The following PLSCR1 variants were observed in gnomAD, a reference collection of about 807,000 sequenced individuals.
PLSCR1 encodes phospholipid scramblase 1, also known as PL scramblase 1.
Under a neutral mutation model 37.8 loss-of-function variants are expected in PLSCR1, and 17 were observed. The ratio of observed to expected loss-of-function variants is 0.45; its 90% CI spans 0.31 to 0.68. The LOEUF (loss-of-function observed/expected upper bound fraction) is 0.68. Among genes scored for constraint, PLSCR1 ranks in the 30% least tolerant of loss-of-function variants. The probability of loss-of-function intolerance (pLI) is 0.06; values close to 1 mark genes in which losing one functional copy is unlikely to be tolerated. For missense variants in PLSCR1, 347 were observed against 380.9 expected, an observed-to-expected ratio of 0.91 and a Z score of 0.74; for synonymous variants, 116 against 125.9, an observed-to-expected ratio of 0.92 and a Z score of 0.53.
At chr3:146,543,280 T>A (rs1293452786) in intron 1 of PLSCR1, among the ~76,000 whole-genome samples, 1 of 152,216 alleles carries the variant, frequency 6.6e-6, no homozygotes, top group South Asian at 2.1e-4. Flanking sequence ...TACTCTAAGC[T>A]CCTTTACAGA....
At chr3:146,537,049 A>G (rs9289721) in intron 1 of PLSCR1, among the ~76,000 whole-genome samples, 24,393 of 152,062 alleles carry the variant, frequency 0.16, 2,042 homozygotes, top group Non-Finnish European at 0.18. Context: ...TTATCTTGGG[A>G]AATGTAGGTC....
chr3:146,527,517 G>A (rs972722634), intron 4 of PLSCR1, among the ~76,000 whole-genome samples: 1 of 152,110 alleles, frequency 6.6e-6, no homozygotes, highest in Non-Finnish European at 1.5e-5. Flanking sequence ...TTCTAGAATA[G>A]GCTGAAGAAA....
At position 146,533,471 on chromosome 3, in the gene PLSCR1, T is replaced by C; in HGVS notation, c.93A>G (p.Gln31=). The C allele has an allele frequency of 6.3e-7, 1 of 1,578,034 alleles. No individual in the cohort carries two copies. Among genetic ancestry groups the C allele is most frequent in the Non-Finnish European group, 8.7e-7 (1 of 1,151,916 alleles). Residue 31 remains glutamine (Q), a splice_region_variant and synonymous_variant, in exon 3 of 9, where the codon CAA becomes CAG. Coordinates refer to ENST00000342435, the MANE Select transcript of PLSCR1 (RefSeq NM_021105.3). ...YPPQYPPTAF[Q]GPPGYSGYPG... ...TTCTTCTTTCAGCAACTGCTTTACC[T>C]TGGAATGCTGTCGGTGGATACTGAG...
At chr3:146,525,801 GT>G (rs1204583022) in intron 4 of PLSCR1, among the ~76,000 whole-genome samples, 154 bp from the exon 5 acceptor site, 3 of 152,030 alleles carry the variant, frequency 2.0e-5, no homozygotes, top group African/African-American at 7.2e-5. Context: ...TAAAACTGAA[GT>G]TAATATTTTT....
intron 7 of PLSCR1, among the ~76,000 whole-genome samples, chr3:146,519,478 G>C (rs1400210515): frequency 1.3e-5 from 2 of 152,006 alleles, no homozygotes; most frequent in Non-Finnish European, 2.9e-5. Flanking sequence ...CCCCTACCAA[G>C]AGTCCTTGAA....
At chr3:146,528,553 G>A in intron 4 of PLSCR1, 61 bp downstream of exon 4, 1 of 1,326,352 alleles carries the variant, frequency 7.5e-7, no homozygotes, top group Non-Finnish European at 1.1e-6. Context: ...TTGCTAATCT[G>A]GTTAAGCAAG....
chr3:146,528,916 A>G (rs2044157682), intron 3 of PLSCR1, 85 bp from the exon 4 acceptor site: 1 of 927,504 alleles, frequency 1.1e-6, no homozygotes. Flanking sequence ...TCTATCTATA[A>G]GTTGACATTT....
intron 3 of PLSCR1, 50 bp downstream of exon 3, chr3:146,533,420 C>T: frequency 2.0e-6 from 2 of 999,296 alleles, no homozygotes; most frequent in Non-Finnish European, 3.1e-6. Flanking sequence ...CACTCTCTCT[C>T]TCTGTCTCTC....
chr3:146,531,340 T>C (rs2044195990), intron 3 of PLSCR1, among the ~76,000 whole-genome samples: 1 of 152,234 alleles, frequency 6.6e-6, no homozygotes, highest in South Asian at 2.1e-4. Context: ...ATCCTGAGTT[T>C]AGTGTTAGCC....
intron 7 of PLSCR1, among the ~76,000 whole-genome samples, chr3:146,520,443 ATTATG>A (rs1255285761): frequency 6.6e-6 from 1 of 152,164 alleles, no homozygotes. Context: ...AAGAACTGCT[ATTATG>A]CATACCCTTA....
intron 4 of PLSCR1, among the ~76,000 whole-genome samples, chr3:146,525,848 T>TG (rs1314144906): frequency 1.3e-5 from 2 of 151,770 alleles, no homozygotes; most frequent in African/African-American, 2.4e-5. Flanking sequence ...ATTATTAATG[T>TG]GGAAAAATTT....
At position 146,533,567 on chromosome 3, in the gene PLSCR1, G is replaced by C. The variant is rs1201701627; in HGVS notation, c.14-17C>G. ...TCTGTGAGTCTGCAATTCAAGGAGA[G>C]GTAAATAGATGTCTGATTAAATAAA... On this transcript the variant is annotated splice_polypyrimidine_tract_variant and intron_variant, in intron 2 of 8. Coordinates refer to ENST00000342435, the MANE Select transcript of PLSCR1 (RefSeq NM_021105.3). 2 of 1,491,062 alleles carry C rather than the reference G, an allele frequency of 1.3e-6. No individual in the cohort carries two copies. The highest frequency in any genetic ancestry group is 2.3e-5 in the East Asian group (1 of 44,212). 92.4% of individuals were successfully genotyped at this position (1,491,062 alleles called of 1,614,324 possible).
At chr3:146,523,797 CATATCTAACCATACAT>C (rs533782748) in intron 5 of PLSCR1, among the ~76,000 whole-genome samples, 40 of 152,322 alleles carry the variant, frequency 2.6e-4, no homozygotes, top group African/African-American at 9.6e-4. Flanking sequence ...AAGGGCTTTC[CATATCTAACCATACAT>C]TGGAAACCTC....
chr3:146,519,413 AAGCTCATAGACAG>A (rs1027769827), intron 7 of PLSCR1, among the ~76,000 whole-genome samples: 1 of 152,122 alleles, frequency 6.6e-6, no homozygotes, highest in Admixed American at 6.6e-5. Context: ...TTCAGATTTC[AAGCTCATAGACAG>A]AGCTGACTTG....
chr3:146,528,951 T>C (rs1388896507), intron 3 of PLSCR1, 120 bp from the exon 4 acceptor site: 3 of 676,126 alleles, frequency 4.4e-6, no homozygotes, highest in African/African-American at 3.6e-5. Context: ...GTATCTGTGA[T>C]GTTTAATACG....
At chr3:146,523,867 A>C (rs531631212) in intron 5 of PLSCR1, among the ~76,000 whole-genome samples, 1 of 152,348 alleles carries the variant, frequency 6.6e-6, no homozygotes, top group South Asian at 2.1e-4. Context: ...TCCCATTTGT[A>C]CATAGTCCTC....
intron 1 of PLSCR1, among the ~76,000 whole-genome samples, chr3:146,538,313 A>G (rs1248834942): frequency 1.3e-5 from 2 of 152,248 alleles, no homozygotes; most frequent in Admixed American, 6.5e-5. Context: ...AAATTCATAC[A>G]TAAGAGGACA....
At chr3:146,531,868 AT>A (rs535299296) in intron 3 of PLSCR1, among the ~76,000 whole-genome samples, 38 of 150,574 alleles carry the variant, frequency 2.5e-4, no homozygotes, top group African/African-American at 8.0e-4. Context: ...ACCTATACGA[AT>A]TTTTTTTTTA....
intron 5 of PLSCR1, among the ~76,000 whole-genome samples, chr3:146,523,041 C>T (rs576068422): frequency 2.6e-5 from 4 of 152,278 alleles, no homozygotes; most frequent in East Asian, 3.9e-4. Context: ...GGGAAACGCC[C>T]GATAATGATC....
Sources: gnomAD v4.1 joint callset for allele counts (sites outside exome capture counted in the v4.1 genomes callset) on GRCh38, gnomAD v4.1.1 for gene constraint, MANE v1.5 for transcripts, NCBI Gene and HGNC (gene_info 2026-07-23, HGNC 2026-07-21) for gene names.